The following SUGCT variants were observed in gnomAD, a reference collection of about 807,000 sequenced individuals.
SUGCT encodes the protein succinyl-CoA:glutarate CoA-transferase.
In SUGCT, 41 loss-of-function variants were observed where a neutral mutation model predicts 55.0. That is an observed-to-expected ratio of 0.74 (90% CI 0.58 to 0.97). The LOEUF (loss-of-function observed/expected upper bound fraction) is 0.97, where lower values mean the gene tolerates loss of function less well. Ranked by LOEUF, SUGCT falls within the 50% of genes least tolerant of loss-of-function variation. The pLI, the probability that SUGCT is intolerant of heterozygous loss-of-function variation, is 0.00. For missense variants in SUGCT, 568 were observed against 547.8 expected, an observed-to-expected ratio of 1.04 and a Z score of -0.37; for synonymous variants, 187 against 200.4, an observed-to-expected ratio of 0.93 and a Z score of 0.56.
chr7:40,644,732 T>C (rs1287454349), intron 12 of SUGCT, among the ~76,000 whole-genome samples: 1 of 152,150 alleles, frequency 6.6e-6, no homozygotes, highest in Non-Finnish European at 1.5e-5. Flanking sequence ...TCGAATTCCG[T>C]GTGCAGGAGG....
the SUGCT span, among the ~76,000 whole-genome samples, chr7:41,016,102 G>A: frequency 2.0e-5 from 3 of 152,192 alleles, no homozygotes; most frequent in Admixed American, 2.0e-4. Flanking sequence ...CCATCAGAAA[G>A]GTGTACCTTG....
At chr7:40,943,020 G>C in the SUGCT span, among the ~76,000 whole-genome samples, 1 of 151,654 alleles carries the variant, frequency 6.6e-6, no homozygotes. Context: ...ATCTCCTTGA[G>C]TAACTTAATA....
chr7:40,759,420 A>T (rs1788425547), intron 13 of SUGCT, among the ~76,000 whole-genome samples: 1 of 152,190 alleles, frequency 6.6e-6, no homozygotes, highest in Non-Finnish European at 1.5e-5. Flanking sequence ...TGAATACTTT[A>T]TATACACCAT....
chr7:40,907,230 T>C, the SUGCT span, among the ~76,000 whole-genome samples: 1 of 152,040 alleles, frequency 6.6e-6, no homozygotes, highest in Non-Finnish European at 1.5e-5. Flanking sequence ...AAACTCTTTC[T>C]TAGCTCAGAA....
intron 12 of SUGCT, among the ~76,000 whole-genome samples, chr7:40,603,461 G>A (rs1396197102): frequency 6.6e-6 from 1 of 152,174 alleles, no homozygotes; most frequent in African/African-American, 2.4e-5. Context: ...TAGTACAATG[G>A]ATTAAATATA....
At chr7:40,844,471 G>A (rs1353365410) in intron 13 of SUGCT, among the ~76,000 whole-genome samples, 2 of 152,216 alleles carry the variant, frequency 1.3e-5, no homozygotes, top group African/African-American at 4.8e-5. Flanking sequence ...CGGAAGTCCC[G>A]CCATCAAGTC....
At chr7:40,542,410 G>A (rs965099718) in intron 12 of SUGCT, among the ~76,000 whole-genome samples, 10 of 152,124 alleles carry the variant, frequency 6.6e-5, no homozygotes, top group African/African-American at 2.2e-4. Context: ...TGAAAAACAG[G>A]GCTGTTCTCT....
chr7:40,325,688 C>T (rs942147770), intron 9 of SUGCT, among the ~76,000 whole-genome samples: 3 of 152,092 alleles, frequency 2.0e-5, no homozygotes, highest in African/African-American at 7.2e-5. Context: ...TGCCGGTAAT[C>T]CCAGCTACTC....
intron 12 of SUGCT, among the ~76,000 whole-genome samples, chr7:40,685,157 C>T (rs1784413710): frequency 6.6e-6 from 1 of 151,932 alleles, no homozygotes; most frequent in Admixed American, 6.6e-5. Flanking sequence ...ACACCTGGCT[C>T]TTATGAGTAT....
intron 9 of SUGCT, among the ~76,000 whole-genome samples, chr7:40,328,447 G>A (rs749623228): frequency 6.8e-4 from 104 of 152,200 alleles, no homozygotes; most frequent in Non-Finnish European, 3.8e-4. Context: ...TGTATTTCTG[G>A]AGTTTGGTAG....
chr7:40,960,961 C>T, the SUGCT span, among the ~76,000 whole-genome samples: 4 of 152,204 alleles, frequency 2.6e-5, no homozygotes, highest in East Asian at 7.7e-4. Flanking sequence ...AAAGCATTTA[C>T]TTACCACAAG....
the SUGCT span, among the ~76,000 whole-genome samples, chr7:40,915,040 G>C: frequency 6.6e-6 from 1 of 152,088 alleles, no homozygotes; most frequent in Non-Finnish European, 1.5e-5. Flanking sequence ...AGGAAGATAG[G>C]GATCGTATCA....
chr7:40,983,507 T>C, the SUGCT span, among the ~76,000 whole-genome samples: 5 of 152,236 alleles, frequency 3.3e-5, no homozygotes, highest in Non-Finnish European at 7.3e-5. Context: ...ACTGGATGAT[T>C]GTTCCTTTTG....
intron 6 of SUGCT, among the ~76,000 whole-genome samples, chr7:40,234,224 A>G (rs1018738968): frequency 6.6e-6 from 1 of 152,194 alleles, no homozygotes; most frequent in African/African-American, 2.4e-5. Context: ...CTGAAACTTA[A>G]TTTCTTTTGT....
intron 13 of SUGCT, among the ~76,000 whole-genome samples, chr7:40,757,261 A>G (rs1584393755): frequency 6.6e-6 from 1 of 152,326 alleles, no homozygotes; most frequent in East Asian, 1.9e-4. Flanking sequence ...ATCAGGCACC[A>G]GAGAAGCATC....
intron 12 of SUGCT, among the ~76,000 whole-genome samples, chr7:40,537,598 A>T (rs1178254756): frequency 6.6e-6 from 1 of 152,222 alleles, no homozygotes; most frequent in Non-Finnish European, 1.5e-5. Flanking sequence ...GTGTTGTATA[A>T]CTTGGAATAG....
the SUGCT span, among the ~76,000 whole-genome samples, chr7:40,896,736 C>A: frequency 6.6e-6 from 1 of 152,178 alleles, no homozygotes; most frequent in Admixed American, 6.5e-5. Flanking sequence ...ATTACCCAGT[C>A]TCAGGTATGT....
the SUGCT span, among the ~76,000 whole-genome samples, chr7:40,970,839 G>A: frequency 6.6e-6 from 1 of 152,106 alleles, no homozygotes. Context: ...AGGACAAGGG[G>A]GACAAGGAGA....
intron 12 of SUGCT, among the ~76,000 whole-genome samples, chr7:40,741,304 T>A (rs1185641944): frequency 6.6e-6 from 1 of 151,736 alleles, no homozygotes; most frequent in Non-Finnish European, 1.5e-5. Flanking sequence ...AAAAATATAA[T>A]TAAGCCAGTA....
Sources: gnomAD v4.1 joint callset for allele counts (sites outside exome capture counted in the v4.1 genomes callset) on GRCh38, gnomAD v4.1.1 for gene constraint, MANE v1.5 for transcripts, NCBI Gene and HGNC (gene_info 2026-07-23, HGNC 2026-07-21) for gene names.